Variants in BBS9 observed in about 807,000 individuals in gnomAD.
BBS9 encodes the protein protein PTHB1.
BBS9 carries 89 observed loss-of-function variants against 117.7 expected under a neutral mutation model. That is an observed-to-expected ratio of 0.76 (90% CI 0.64 to 0.90). The LOEUF is 0.90. BBS9 is among the 40% of genes least tolerant of loss of function. BBS9 has a pLI of 0.00. For synonymous variants in BBS9, 379 were observed against 370.9 expected (o/e 1.02, Z -0.25); for missense variants, 982 against 1,042.2 (o/e 0.94, Z 0.80).
chr7:33,542,731 GTATATGTGTGTGTA>G (rs1852552272), intron 21 of BBS9, among the ~76,000 whole-genome samples: 2 of 144,172 alleles, frequency 1.4e-5, no homozygotes. Flanking sequence ...GTGTGTGTGT[GTATATGTGTGTGTA>G]TATATATATA....
intron 16 of BBS9, among the ~76,000 whole-genome samples, chr7:33,366,503 G>T (rs1047094949): frequency 1.4e-5 from 2 of 146,134 alleles, no homozygotes; most frequent in Admixed American, 6.8e-5. Context: ...CTTTACCCCC[G>T]TGATGATGTT....
chr7:33,565,811 A>ATATATGTG (rs1856799746), intron 21 of BBS9, among the ~76,000 whole-genome samples: 1 of 67,018 alleles, frequency 1.5e-5, no homozygotes, highest in Admixed American at 1.4e-4. Context: ...ATATATATAT[A>ATATATGTG]TATATATATA....
chr7:33,365,106 T>C (rs1218197762), intron 16 of BBS9, among the ~76,000 whole-genome samples: 1 of 152,030 alleles, frequency 6.6e-6, no homozygotes, highest in East Asian at 1.9e-4. Context: ...TTCTTTTTTT[T>C]CCTGGTTTGT....
chr7:33,274,994 CAAAAAA>C (rs763041758), intron 9 of BBS9, among the ~76,000 whole-genome samples: 2 of 58,694 alleles, frequency 3.4e-5, no homozygotes, highest in Non-Finnish European at 6.8e-5. Context: ...GACTGTGTCT[CAAAAAA>C]AAAAAAAAAA....
intron 21 of BBS9, among the ~76,000 whole-genome samples, chr7:33,625,909 C>G (rs565929636): frequency 6.4e-4 from 97 of 152,184 alleles, no homozygotes; most frequent in African/African-American, 2.3e-3. Flanking sequence ...AATTATATGT[C>G]TGAAAATTAA....
intron 4 of BBS9, among the ~76,000 whole-genome samples, chr7:33,159,262 A>G (rs1794500524): frequency 6.6e-6 from 1 of 152,180 alleles, no homozygotes; most frequent in East Asian, 1.9e-4. Context: ...CACTATCACC[A>G]TTGTAAATGT....
chr7:33,489,331 CTTTTT>C (rs35199510), intron 19 of BBS9, among the ~76,000 whole-genome samples: 22 of 86,258 alleles, frequency 2.6e-4, no homozygotes, highest in African/African-American at 7.2e-4. Flanking sequence ...CCACTTATGG[CTTTTT>C]TTTTTTTTTT....
At chr7:33,382,806 G>C (rs2128746948) in intron 17 of BBS9, among the ~76,000 whole-genome samples, 1 of 152,324 alleles carries the variant, frequency 6.6e-6, no homozygotes, top group South Asian at 2.1e-4. Context: ...TGAGATTAAA[G>C]CCAGGTCCTG....
At chr7:33,620,813 G>T (rs369783850) in intron 21 of BBS9, among the ~76,000 whole-genome samples, 1 of 152,098 alleles carries the variant, frequency 6.6e-6, no homozygotes, top group South Asian at 2.1e-4. Context: ...AAAGCTGGAG[G>T]CATCACACTA....
At chr7:33,182,380 C>G (rs1193684411) in intron 5 of BBS9, among the ~76,000 whole-genome samples, 1 of 152,124 alleles carries the variant, frequency 6.6e-6, no homozygotes, top group Admixed American at 6.6e-5. Flanking sequence ...AGGTGTGACT[C>G]TCATGTATAG....
In BBS9 at chr7:33,312,956, A is replaced by G. The variant is rs186543636; in HGVS notation, c.1017-23485A>G. ...TTCTGAGAACTATGCTTGAAACATC[A>G]TTGGTATTCAATATGTATTTTTTAA... On this transcript the variant is annotated intron_variant, in intron 9 of 22. Coordinates refer to ENST00000242067, the MANE Select transcript of BBS9 (RefSeq NM_198428.3). 2.0e-3 allele frequency among the ~76,000 whole-genome samples: 301 copies of G among 152,056 alleles called. 3 individuals are homozygous for G. Among genetic ancestry groups the G allele is most frequent in the Non-Finnish European group, 1.9e-3 (130 of 67,996 alleles).
intron 21 of BBS9, among the ~76,000 whole-genome samples, chr7:33,589,227 G>T (rs939941385): frequency 6.6e-6 from 1 of 152,054 alleles, no homozygotes; most frequent in African/African-American, 2.4e-5. Flanking sequence ...AAAATGTTGT[G>T]TTTTCCTATA....
intron 1 of BBS9, among the ~76,000 whole-genome samples, chr7:33,135,617 C>T (rs1339499792): frequency 6.6e-6 from 1 of 152,156 alleles, no homozygotes; most frequent in Non-Finnish European, 1.5e-5. Context: ...TGTGAGTTCT[C>T]TACCTTTGTT....
chr7:33,313,599 G>A (rs1349095084), intron 9 of BBS9, among the ~76,000 whole-genome samples: 2 of 152,092 alleles, frequency 1.3e-5, no homozygotes, highest in Non-Finnish European at 2.9e-5. Flanking sequence ...AAGGTATTTT[G>A]TTCAGTCTCC....
intron 20 of BBS9, among the ~76,000 whole-genome samples, chr7:33,510,901 C>T (rs1240710047): frequency 6.6e-6 from 1 of 152,210 alleles, no homozygotes; most frequent in Non-Finnish European, 1.5e-5. Flanking sequence ...GGGTAGGATA[C>T]TGACATTAAG....
At chr7:33,581,048 C>CCTTT (rs1432781616) in intron 21 of BBS9, among the ~76,000 whole-genome samples, 6 of 151,468 alleles carry the variant, frequency 4.0e-5, no homozygotes, top group Admixed American at 2.0e-4. Flanking sequence ...CTACCACTTA[C>CCTTT]CGAAAGGTGT....
intron 21 of BBS9, among the ~76,000 whole-genome samples, chr7:33,575,688 C>T (rs942809999): frequency 2.0e-5 from 3 of 152,142 alleles, no homozygotes; most frequent in African/African-American, 7.2e-5. Context: ...TCCAGCAGCA[C>T]ATCAAAAAGC....
intron 19 of BBS9, among the ~76,000 whole-genome samples, chr7:33,437,967 T>A (rs1040293462): frequency 3.3e-5 from 5 of 152,320 alleles, no homozygotes; most frequent in African/African-American, 1.2e-4. Context: ...GACATGGTGT[T>A]AAGTTTTGAA....
intron 5 of BBS9, among the ~76,000 whole-genome samples, chr7:33,198,335 A>G (rs1290447142): frequency 2.6e-5 from 4 of 152,026 alleles, no homozygotes; most frequent in Admixed American, 1.3e-4. Context: ...TAAGTCCTAT[A>G]TAGTTCATTG....
Sources: allele counts gnomAD v4.1 joint callset (sites outside exome capture counted in the v4.1 genomes callset), GRCh38; gene constraint gnomAD v4.1.1; transcripts MANE v1.5; gene names NCBI Gene and HGNC (gene_info 2026-07-23, HGNC 2026-07-21).